Variants in TRIM9 observed in about 807,000 individuals in gnomAD.
The protein encoded by TRIM9 is tripartite motif containing 9.
In TRIM9, 26 loss-of-function variants were observed where a neutral mutation model predicts 78.3. The observed-to-expected ratio is 0.33, with a 90% CI of 0.24 to 0.46. The LOEUF (loss-of-function observed/expected upper bound fraction) is 0.46, where lower values mean the gene tolerates loss of function less well. TRIM9 is among the 20% of genes least tolerant of loss of function. TRIM9 has a pLI of 1.00. For synonymous variants in TRIM9, 398 were observed against 416.5 expected (o/e 0.96, Z 0.54); for missense variants, 787 against 1,036.4 (o/e 0.76, Z 3.30).
chr14:51,075,756 C>T (rs1031418883), intron 1 of TRIM9, among the ~76,000 whole-genome samples: 6 of 152,108 alleles, frequency 3.9e-5, no homozygotes, highest in African/African-American at 9.7e-5. Flanking sequence ...CTTCCCAAGG[C>T]GGGGAGTGGG....
chr14:51,028,603 C>T lies in TRIM9; in HGVS notation c.823-3243G>A, dbSNP rs116757572. On this transcript the variant is annotated intron_variant, in intron 1 of 12. Coordinates refer to ENST00000684578, the MANE Select transcript of TRIM9 (RefSeq NM_001387360.1). ...GTAGTATGTGTTTTCATCACGGCAT[C>T]TTTGGTGGTACAAGCAGTCATTTAA... Among the ~76,000 whole-genome samples, 321 of 152,338 alleles carry T rather than the reference C, an allele frequency of 2.1e-3. 3 individuals carry two copies. Among genetic ancestry groups the T allele is most frequent in the African/African-American group, 7.0e-3 (293 of 41,580 alleles).
Position 50,986,004 on chromosome 14 carries a change from G to T in TRIM9, c.1744C>A (p.Pro582Thr). ...GAGGAATGCAAGCTCAGCTGGTGGG[G>T]TGAGGATCGGAAATCAAAGTAGGAT... ...GRSYFDFRSS[P>T]HQLSLHSSLQ... The change falls in exon 8 of 13, where the codon CCC (proline) becomes ACC (threonine). Residue 582 changes from proline to threonine, a missense_variant. Around this residue, in one of 3 missense-constraint regions of TRIM9, gnomAD observed 421 missense variants for 514.3 expected, o/e 0.82. Transcript: ENST00000684578. The T allele has an allele frequency of 6.5e-7, 1 of 1,549,018 alleles. No homozygotes were observed.
chr14:51,033,863 T>A (rs2058931236), intron 1 of TRIM9, among the ~76,000 whole-genome samples: 1 of 152,268 alleles, frequency 6.6e-6, no homozygotes, highest in South Asian at 2.1e-4. Flanking sequence ...GTTGTATTTA[T>A]ATGAATGTAT....
Position 51,029,237 on chromosome 14 carries a change from C to G in TRIM9, c.823-3877G>C, listed in dbSNP as rs763466451. Among the ~76,000 whole-genome samples, 10 of 152,142 alleles carry G rather than the reference C, an allele frequency of 6.6e-5. 1 individual carries two copies. The highest frequency in any genetic ancestry group is 4.4e-5 in the Non-Finnish European group (3 of 68,016). The stretch of plus-strand genomic sequence containing the variant: ...GCTGTCTCGGATCTGAAGTTACAGG[C>G]ACAGGATGGGTCAAAAGGGTCACTC... On this transcript the variant is annotated intron_variant, in intron 1 of 12. Transcript: ENST00000684578.
chr14:50,981,526 C>T (rs1251846625), intron 11 of TRIM9, among the ~76,000 whole-genome samples: 1 of 152,130 alleles, frequency 6.6e-6, no homozygotes, highest in Non-Finnish European at 1.5e-5. Context: ...GGATTGTTTT[C>T]TTATAATGGA....
In TRIM9 at chr14:51,068,509, T is replaced by A. The variant is rs368711160; in HGVS notation, c.822+25609A>T. Among the ~76,000 whole-genome samples, 5 of 152,340 alleles carry A rather than the reference T, an allele frequency of 3.3e-5. No individual in the cohort carries two copies. The East Asian group carries it at 9.6e-4, about 29-fold the overall frequency. On this transcript the variant is annotated intron_variant, in intron 1 of 12. Transcript: ENST00000684578. ...TGCCTGCAACGTGCCAAGTACTTTA[T>A]GTGGAAAACATCAGTTAATTCTCAC...
intron 1 of TRIM9, among the ~76,000 whole-genome samples, chr14:51,072,123 G>A (rs1430736925): frequency 1.1e-4 from 16 of 152,186 alleles, no homozygotes; most frequent in Admixed American, 1.0e-3. Context: ...TGGGCTTCAG[G>A]GAAATCTGCC....
intron 1 of TRIM9, among the ~76,000 whole-genome samples, chr14:51,040,749 C>CA (rs2059522906): frequency 6.6e-6 from 1 of 152,220 alleles, no homozygotes; most frequent in Admixed American, 6.5e-5. Flanking sequence ...GTGAACCTTT[C>CA]ATATTAATGA....
chr14:51,046,862 C>A (rs2059988841), intron 1 of TRIM9, among the ~76,000 whole-genome samples: 1 of 152,192 alleles, frequency 6.6e-6, no homozygotes. Flanking sequence ...ACAATGTTTT[C>A]AACAGTGCTT....
In TRIM9 at chr14:50,982,983, G is replaced by A; in HGVS notation, c.1835-18C>T. 1 of 1,548,584 alleles carries A rather than the reference G, an allele frequency of 6.5e-7. No individual in the cohort carries two copies. Among genetic ancestry groups the A allele is most frequent in the East Asian group, 2.4e-5 (1 of 40,864 alleles). ...AATGTCAACTGTTGTCATTCCAAGT[G>A]AAAGGCATGGGGGAGAGAGATAGGA... On this transcript the variant is annotated intron_variant, in intron 9 of 12. Coordinates refer to ENST00000684578, the MANE Select transcript of TRIM9 (RefSeq NM_001387360.1).
At position 51,074,903 on chromosome 14, in the gene TRIM9, TCTC is replaced by T. The variant is rs2062622578; in HGVS notation, c.822+19212_822+19214del. Among the ~76,000 whole-genome samples, 4 of 152,354 alleles carry T rather than the reference TCTC, an allele frequency of 2.6e-5. No homozygotes were observed. In the South Asian group the frequency reaches 8.3e-4, roughly 32 times the overall value. Reference sequence around the variant, plus strand: ...AAAGATGCCGCAACTACATGGTTCATCTCCTTTTGATCTCACAATGTTGAAGCC... The same window carrying T: ...AAAGATGCCGCAACTACATGGTTCATCTTTTGATCTCACAATGTTGAAGCC... On this transcript the variant is annotated intron_variant, in intron 1 of 12. Transcript: ENST00000684578.
chr14:51,040,875 A>T (rs78205147), intron 1 of TRIM9, among the ~76,000 whole-genome samples: 9,092 of 152,326 alleles, frequency 0.06, 322 homozygotes, highest in East Asian at 0.1. Flanking sequence ...AAAATAAAAT[A>T]CAACCTTATT....
At chr14:50,982,912 A>G (rs1020290112) in intron 10 of TRIM9, 30 bp downstream of exon 10, 6 of 1,540,910 alleles carry the variant, frequency 3.9e-6, no homozygotes, top group African/African-American at 1.4e-5. Flanking sequence ...GGTCTTTGCT[A>G]TTTGGTAACA....
chr14:51,060,485 G>A (rs1482280097), intron 1 of TRIM9, among the ~76,000 whole-genome samples: 1 of 149,058 alleles, frequency 6.7e-6, no homozygotes, highest in South Asian at 2.1e-4. Flanking sequence ...TTTTTTTTCT[G>A]AGACAGAATC....
intron 1 of TRIM9, among the ~76,000 whole-genome samples, chr14:51,072,655 CTT>C (rs147528947): frequency 0.25 from 36,983 of 149,214 alleles, 4,766 homozygotes; most frequent in African/African-American, 0.32. Flanking sequence ...CAATTTATTA[CTT>C]TTTTTTTTTT....
chr14:50,983,639 C>T (rs1358035425), intron 8 of TRIM9, among the ~76,000 whole-genome samples: 2 of 152,218 alleles, frequency 1.3e-5, no homozygotes, highest in African/African-American at 4.8e-5. Flanking sequence ...AATAAATCCT[C>T]CTCCAATTGA....
Position 51,032,113 on chromosome 14 carries a change from T to G in TRIM9, c.823-6753A>C, listed in dbSNP as rs111636664. On this transcript the variant is annotated intron_variant, in intron 1 of 12. Coordinates refer to ENST00000684578, the MANE Select transcript of TRIM9 (RefSeq NM_001387360.1). Reference sequence around the variant, plus strand: ...ACCTCTTTTTAAATAATAATTTAAGTCTAAACATGCTGTTTCATTCTTTGA... The same window carrying G: ...ACCTCTTTTTAAATAATAATTTAAGGCTAAACATGCTGTTTCATTCTTTGA... 2.8e-3 allele frequency among the ~76,000 whole-genome samples: 431 copies of G among 152,354 alleles called. 2 individuals are homozygous for G. The highest frequency in any genetic ancestry group is 9.4e-3 in the African/African-American group (391 of 41,582).
rs183149944 is a variant in TRIM9, at chr14:51,068,734, G to A, written c.822+25384C>T. Among the ~76,000 whole-genome samples, 13 of 152,308 alleles carry A rather than the reference G, an allele frequency of 8.5e-5. No homozygotes were observed. The East Asian group carries it at 2.1e-3, about 25-fold the overall frequency. On this transcript the variant is annotated intron_variant, in intron 1 of 12. Transcript: ENST00000684578. ...GATGTAAAGTTATGTAGAATTAGAA[G>A]AGGAGGTGTGATGAGGCCAGCCCAT... is the stretch of plus-strand genomic sequence containing the variant.
intron 1 of TRIM9, among the ~76,000 whole-genome samples, chr14:51,028,970 T>A (rs1290422835): frequency 1.3e-5 from 2 of 152,054 alleles, no homozygotes; most frequent in Non-Finnish European, 2.9e-5. Context: ...ATCAGGCACT[T>A]ACCCTGGGAC....
Sources: allele counts gnomAD v4.1 joint callset (sites outside exome capture counted in the v4.1 genomes callset), GRCh38; gene constraint gnomAD v4.1.1; regional missense constraint gnomAD v4.1.1; transcripts MANE v1.5; gene names NCBI Gene and HGNC (gene_info 2026-07-23, HGNC 2026-07-21).